Variants in FFAR4 observed in about 807,000 individuals in gnomAD.
The protein encoded by FFAR4 is free fatty acid receptor 4.
FFAR4 carries 19 observed loss-of-function variants against 27.0 expected under a neutral mutation model. That is an observed-to-expected ratio of 0.70 (90% confidence interval 0.49 to 1.03). FFAR4 has a LOEUF of 1.03. Among genes scored for constraint, FFAR4 ranks in the 50% least tolerant of loss-of-function variants. The pLI, the probability that FFAR4 is intolerant of heterozygous loss-of-function variation, is 0.00. For missense variants in FFAR4, 476 were observed against 479.0 expected (o/e 0.99, Z 0.06); for synonymous variants, 254 against 215.6 (o/e 1.18, Z -1.56).
intron 2 of FFAR4, among the ~76,000 whole-genome samples, chr10:93,580,013 C>G (rs569175479): frequency 6.6e-6 from 1 of 152,190 alleles, no homozygotes; most frequent in African/African-American, 2.4e-5. Flanking sequence ...GCAAAATCCA[C>G]TGTTGCCCAT....
intron 1 of FFAR4, among the ~76,000 whole-genome samples, chr10:93,572,150 T>C (rs892887297): frequency 6.6e-6 from 1 of 152,104 alleles, no homozygotes; most frequent in Non-Finnish European, 1.5e-5. Flanking sequence ...TCCCCACCCT[T>C]AGTAACACAC....
At chr10:93,568,777 CTTG>C (rs1311475236) in intron 1 of FFAR4, among the ~76,000 whole-genome samples, 15 of 152,080 alleles carry the variant, frequency 9.9e-5, no homozygotes, top group Admixed American at 9.8e-4. Flanking sequence ...AACTTAAACA[CTTG>C]TTTCTAATGC....
At chr10:93,576,585 G>A (rs1363262242) in intron 2 of FFAR4, among the ~76,000 whole-genome samples, 1 of 152,132 alleles carries the variant, frequency 6.6e-6, no homozygotes, top group Non-Finnish European at 1.5e-5. Flanking sequence ...TATACTGTGT[G>A]TGTATTTGAT....
At chr10:93,571,083 G>A (rs551244602) in intron 1 of FFAR4, among the ~76,000 whole-genome samples, 2 of 152,272 alleles carry the variant, frequency 1.3e-5, no homozygotes, top group South Asian at 4.1e-4. Context: ...TCTTCAAACA[G>A]TATAATTCTT....
Position 93,587,430 on chromosome 10 carries a change from T to C in FFAR4, c.907T>C (p.Phe303Leu). 1.9e-6 allele frequency: 3 copies of C among 1,613,862 alleles called. No homozygotes were observed. Among genetic ancestry groups the C allele is most frequent in the Non-Finnish European group, 2.5e-6 (3 of 1,179,940 alleles). Residue 303 changes from phenylalanine (F) to leucine (L), a missense_variant, in exon 3 of 3, where the codon TTC becomes CTC. Phe to Leu is a conservative substitution (Grantham distance 22). Coordinates refer to ENST00000371481, the MANE Select transcript of FFAR4 (RefSeq NM_001195755.2). ...KQDLVIWPSL[F>L]FWVVAFTFAN... The stretch of plus-strand genomic sequence containing the variant: ...AGACCTGGTCATCTGGCCGTCCCTC[T>C]TCTTCTGGGTGGTGGCCTTCACATT...
chr10:93,568,645 G>A (rs963983470), intron 1 of FFAR4, among the ~76,000 whole-genome samples: 1 of 152,190 alleles, frequency 6.6e-6, no homozygotes, highest in Non-Finnish European at 1.5e-5. Context: ...GAGACAGAGA[G>A]GTGGAGCTTC....
intron 1 of FFAR4, among the ~76,000 whole-genome samples, chr10:93,567,994 C>G (rs898591819): frequency 1.3e-5 from 2 of 152,122 alleles, no homozygotes; most frequent in Admixed American, 6.5e-5. Flanking sequence ...GAGGCTGGAC[C>G]GACGAGCTCT....
chr10:93,585,211 G>A (rs1412524173), intron 2 of FFAR4, among the ~76,000 whole-genome samples: 6 of 149,280 alleles, frequency 4.0e-5, no homozygotes, highest in Non-Finnish European at 7.5e-5. Flanking sequence ...TTCATTGCCT[G>A]CCATGCCTCT....
intron 1 of FFAR4, among the ~76,000 whole-genome samples, chr10:93,575,237 A>G (rs1429309603): frequency 6.6e-6 from 1 of 152,230 alleles, no homozygotes; most frequent in Non-Finnish European, 1.5e-5. Flanking sequence ...TTGTTTCTGT[A>G]GTCAAGTGGG....
chr10:93,574,344 G>A (rs1427209004), intron 1 of FFAR4, among the ~76,000 whole-genome samples: 1 of 152,158 alleles, frequency 6.6e-6, no homozygotes, highest in African/African-American at 2.4e-5. Flanking sequence ...GCTTCTGTGT[G>A]TCCTCTGTTT....
chr10:93,572,685 T>A (rs1285643596), intron 1 of FFAR4, among the ~76,000 whole-genome samples: 2 of 152,138 alleles, frequency 1.3e-5, no homozygotes, highest in Non-Finnish European at 2.9e-5. Flanking sequence ...TGGAGAATGG[T>A]GGCCCTGTGC....
intron 1 of FFAR4, among the ~76,000 whole-genome samples, chr10:93,568,292 C>T (rs543469373): frequency 1.8e-4 from 28 of 152,218 alleles, no homozygotes; most frequent in African/African-American, 6.7e-4. Context: ...CCATGCCTCG[C>T]GGAGAGAGAT....
chr10:93,570,858 G>C (rs2058128039), intron 1 of FFAR4, among the ~76,000 whole-genome samples: 1 of 152,126 alleles, frequency 6.6e-6, no homozygotes, highest in South Asian at 2.1e-4. Context: ...CCATTCGGGA[G>C]CTTCATGACA....
intron 2 of FFAR4, among the ~76,000 whole-genome samples, chr10:93,576,477 G>A (rs1163371898): frequency 6.6e-6 from 1 of 152,156 alleles, no homozygotes; most frequent in Non-Finnish European, 1.5e-5. Context: ...ACACATAAAT[G>A]TAAATAACAC....
intron 1 of FFAR4, among the ~76,000 whole-genome samples, chr10:93,572,324 C>T (rs112769528): frequency 1.4e-4 from 21 of 152,192 alleles, no homozygotes; most frequent in Admixed American, 4.6e-4. Flanking sequence ...GGGATGGAGA[C>T]GAGGAGGACA....
At chr10:93,570,083 TA>T (rs1216532702) in intron 1 of FFAR4, among the ~76,000 whole-genome samples, 2 of 151,280 alleles carry the variant, frequency 1.3e-5, no homozygotes, top group Non-Finnish European at 2.9e-5. Context: ...TTTTTTAAAT[TA>T]AAAAAAATGG....
chr10:93,574,592 A>G (rs1375264795), intron 1 of FFAR4, among the ~76,000 whole-genome samples: 2 of 152,128 alleles, frequency 1.3e-5, no homozygotes, highest in African/African-American at 4.8e-5. Flanking sequence ...AGATCCTTGA[A>G]AGAAACAGGT....
intron 2 of FFAR4, among the ~76,000 whole-genome samples, chr10:93,586,035 C>G (rs2058224972): frequency 6.6e-6 from 1 of 152,214 alleles, no homozygotes. Flanking sequence ...GCCTGCCACA[C>G]TGGTATGCCA....
intron 1 of FFAR4, among the ~76,000 whole-genome samples, chr10:93,567,540 T>C (rs1330501781): frequency 6.6e-6 from 1 of 152,162 alleles, no homozygotes; most frequent in Non-Finnish European, 1.5e-5. Context: ...TGTTGCGAGG[T>C]TAATTAACGA....
Sources: gnomAD v4.1 joint callset for allele counts (sites outside exome capture counted in the v4.1 genomes callset) on GRCh38, gnomAD v4.1.1 for gene constraint, MANE v1.5 for transcripts, NCBI Gene and HGNC (gene_info 2026-07-23, HGNC 2026-07-21) for gene names.